SMG9: variants seen among roughly 807,000 people sequenced by gnomAD.
SMG9 encodes the protein SMG9 nonsense mediated mRNA decay factor, also known as nonsense-mediated mRNA decay factor SMG9.
SMG9 carries 55 observed loss-of-function variants against 64.0 expected under a neutral mutation model. That is an observed-to-expected ratio of 0.86 (90% CI 0.69 to 1.08). The LOEUF (loss-of-function observed/expected upper bound fraction) is 1.08, where lower values mean the gene tolerates loss of function less well. Ranked by LOEUF, SMG9 falls within the 50% of genes least tolerant of loss-of-function variation. The pLI, the probability that SMG9 is intolerant of heterozygous loss-of-function variation, is 0.00. For synonymous variants in SMG9, 244 were observed against 254.8 expected (o/e 0.96, Z 0.41); for missense variants, 554 against 681.3 (o/e 0.81, Z 2.08).
intron 5 of SMG9, among the ~76,000 whole-genome samples, 198 bp from the exon 6 acceptor site, chr19:43,745,082 CACAA>C (rs1363738451): frequency 6.6e-6 from 1 of 152,204 alleles, no homozygotes; most frequent in African/African-American, 2.4e-5. Flanking sequence ...ATGTTTTAGA[CACAA>C]ACAACAGTGT....
chr19:43,746,392 G>A (rs539412697), intron 5 of SMG9, among the ~76,000 whole-genome samples: 6 of 152,278 alleles, frequency 3.9e-5, no homozygotes, highest in South Asian at 4.1e-4. Flanking sequence ...CATACTGGAC[G>A]GATAGTTCAA....
At chr19:43,742,064 C>T in intron 6 of SMG9, among the ~76,000 whole-genome samples, 1 of 152,132 alleles carries the variant, frequency 6.6e-6, no homozygotes, top group East Asian at 1.9e-4. Context: ...AGGAGAATTG[C>T]CTAAACCTAG....
At chr19:43,744,749 C>T in intron 6 of SMG9, 23 bp downstream of exon 6, 2 of 1,591,278 alleles carry the variant, frequency 1.3e-6, no homozygotes, top group Non-Finnish European at 1.7e-6. Context: ...CTCCCTCCTG[C>T]ACCCTATCTG....
At chr19:43,751,842 C>T (rs537287487) in intron 1 of SMG9, among the ~76,000 whole-genome samples, 41 of 152,318 alleles carry the variant, frequency 2.7e-4, no homozygotes, top group African/African-American at 9.6e-4. Context: ...TTGCCTACTT[C>T]GAGAGGCAGT....
At chr19:43,749,387 T>G (rs1311144086) in intron 2 of SMG9, among the ~76,000 whole-genome samples, 2 of 152,086 alleles carry the variant, frequency 1.3e-5, no homozygotes, top group African/African-American at 2.4e-5. Context: ...CCCATGGGTG[T>G]GACAAGAGGC....
intron 10 of SMG9, chr19:43,733,983 T>C (rs1968569950): frequency 1.8e-6 from 1 of 570,756 alleles, no homozygotes; most frequent in East Asian, 2.9e-5. Context: ...AACTGGGTCT[T>C]TGAAGAAGAG....
intron 10 of SMG9, chr19:43,734,015 C>T (rs1049600820): frequency 3.7e-6 from 2 of 547,010 alleles, no homozygotes; most frequent in Non-Finnish European, 6.5e-6. Flanking sequence ...AAGGATGAAA[C>T]AGGCAAAGGA....
intron 6 of SMG9, among the ~76,000 whole-genome samples, chr19:43,743,855 C>T (rs1420362277): frequency 6.6e-6 from 1 of 152,184 alleles, no homozygotes; most frequent in Non-Finnish European, 1.5e-5. Context: ...GGACTCCTGA[C>T]GCTCATCCAT....
chr19:43,737,872 C>T (rs1159757591), intron 8 of SMG9, 190 bp from the exon 9 acceptor site: 4 of 656,864 alleles, frequency 6.1e-6, no homozygotes, highest in Admixed American at 2.8e-5. Flanking sequence ...GAATTATCAC[C>T]CCCATTTTAC....
intron 9 of SMG9, among the ~76,000 whole-genome samples, chr19:43,736,428 G>T (rs540925962): frequency 6.6e-6 from 1 of 151,720 alleles, no homozygotes; most frequent in East Asian, 1.9e-4. Context: ...ACCTCCCAGC[G>T]GTCTCCTGGG....
intron 5 of SMG9, 91 bp from the exon 6 acceptor site, chr19:43,744,975 C>G (rs1261845827): frequency 2.3e-6 from 2 of 863,874 alleles, no homozygotes; most frequent in East Asian, 5.2e-5. Context: ...GTGGCTCCCC[C>G]ACCTGCCTTA....
At chr19:43,733,829 T>G (rs1968566753) in intron 10 of SMG9, 96 bp from the exon 11 acceptor site, 1 of 810,092 alleles carries the variant, frequency 1.2e-6, no homozygotes. Flanking sequence ...ACCCCTGAGT[T>G]CAGATCACTG....
Position 43,728,998 on chromosome 19 carries a change from A to G in SMG9, c.*2598T>C, listed in dbSNP as rs1183871221. 1 of 985,446 alleles carries G rather than the reference A, an allele frequency of 1.0e-6. No individual in the cohort carries two copies. The highest frequency in any genetic ancestry group is 1.2e-6 in the Non-Finnish European group (1 of 830,040). The allele number at this position is 985,446 out of a possible 1,614,324, so 61.0% of individuals were successfully genotyped here. A position where few individuals can be genotyped will look rare whatever the true frequency, so the allele number is the denominator to read the frequency against. On this transcript the variant is annotated 3_prime_UTR_variant, in exon 14 of 14. Transcript: ENST00000270066. Reference sequence around the variant, plus strand: ...GCAGAAGGCCTCCCTGCAGCAGTATATCTAGCTGGTGTCCACAGTGGCCTG... The same window carrying G: ...GCAGAAGGCCTCCCTGCAGCAGTATGTCTAGCTGGTGTCCACAGTGGCCTG...
At chr19:43,735,247 G>A (rs1968618751) in intron 9 of SMG9, among the ~76,000 whole-genome samples, 1 of 152,184 alleles carries the variant, frequency 6.6e-6, no homozygotes, top group African/African-American at 2.4e-5. Flanking sequence ...ATGTGCCACT[G>A]ATGATTTATC....
In SMG9 at chr19:43,731,344, G is replaced by A; in HGVS notation, c.*252C>T. 2 of 1,303,560 alleles carry A rather than the reference G, an allele frequency of 1.5e-6. No homozygotes were observed. Among genetic ancestry groups the A allele is most frequent in the Non-Finnish European group, 9.8e-7 (1 of 1,022,720 alleles). The allele number at this position is 1,303,560 out of a possible 1,614,324, so 80.7% of individuals were successfully genotyped here. On this transcript the variant is annotated 3_prime_UTR_variant, in exon 14 of 14. Coordinates refer to ENST00000270066, the MANE Select transcript of SMG9 (RefSeq NM_019108.4). ...CAGACTCCTCCCACTGCTTGTCCCT[G>A]TGGAGGACACAGGACGGGCTACCCC...
rs1968392983 is a variant in SMG9 at position 43,729,159 on chromosome 19, C to G, written c.*2437G>C. ...CTGCCTCAACGAGCCAGCCCCTGCA[C>G]AAAACCCTGGAGGTGGGACAGGGCC... On this transcript the variant is annotated 3_prime_UTR_variant, in exon 14 of 14. Transcript: ENST00000270066. 1 of 429,284 alleles carries G rather than the reference C, an allele frequency of 2.3e-6. No homozygotes were observed. Among genetic ancestry groups the G allele is most frequent in the Non-Finnish European group, 3.1e-6 (1 of 322,082 alleles). 26.6% of individuals were successfully genotyped at this position (429,284 alleles called of 1,614,324 possible). A position where few individuals can be genotyped will look rare whatever the true frequency, so the allele number is the denominator to read the frequency against.
At chr19:43,745,001 A>T in intron 5 of SMG9, 117 bp from the exon 6 acceptor site, 1 of 658,724 alleles carries the variant, frequency 1.5e-6, no homozygotes, top group Admixed American at 2.8e-5. Context: ...TATGAAGAGA[A>T]ACTCCTATAG....
chr19:43,738,339 G>C (rs1968740976), intron 7 of SMG9, 122 bp from the exon 8 acceptor site: 1 of 794,574 alleles, frequency 1.3e-6, no homozygotes, highest in Non-Finnish European at 2.0e-6. Context: ...TTTCTAATTA[G>C]AACAGCAAAA....
chr19:43,733,462 A>G lies in SMG9; in HGVS notation c.1211-10T>C, dbSNP rs1208579777. On this transcript the variant is annotated splice_polypyrimidine_tract_variant and intron_variant, in intron 11 of 13. Transcript: ENST00000270066. Reference sequence around the variant, plus strand: ...AACATGGACAGAGTTCCTGGAGGAGAAAACGCTTCAGCCTTCAGGTACCAT... The same window carrying G: ...AACATGGACAGAGTTCCTGGAGGAGGAAACGCTTCAGCCTTCAGGTACCAT... The G allele has an allele frequency of 1.2e-6, 2 of 1,613,672 alleles. No individual in the cohort carries two copies. Among genetic ancestry groups the G allele is most frequent in the African/African-American group, 2.7e-5 (2 of 74,922 alleles).
Sources: allele counts gnomAD v4.1 joint callset (sites outside exome capture counted in the v4.1 genomes callset), GRCh38; gene constraint gnomAD v4.1.1; transcripts MANE v1.5; gene names NCBI Gene and HGNC (gene_info 2026-07-23, HGNC 2026-07-21).